SCFD2: variants seen among roughly 807,000 people sequenced by gnomAD.
SCFD2 encodes the protein sec1 family domain-containing protein 2.
A neutral mutation model predicts 58.9 loss-of-function variants in SCFD2; 54 were observed. That is an observed-to-expected ratio of 0.92 (90% CI 0.74 to 1.15). The LOEUF is 1.15. Ranked by LOEUF, SCFD2 falls within the 50% of genes most tolerant of loss-of-function variation. The probability of loss-of-function intolerance (pLI) is 0.00; values close to 1 mark genes in which losing one functional copy is unlikely to be tolerated. For synonymous variants in SCFD2, 321 were observed against 335.9 expected, an observed-to-expected ratio of 0.96 and a Z score of 0.49; for missense variants, 805 against 836.6, an observed-to-expected ratio of 0.96 and a Z score of 0.47.
chr4:53,290,436 A>C (rs1731802280), intron 3 of SCFD2, among the ~76,000 whole-genome samples: 1 of 152,198 alleles, frequency 6.6e-6, no homozygotes, highest in Non-Finnish European at 1.5e-5. Context: ...ACAACAATGG[A>C]AACAAAATGT....
At chr4:53,264,121 C>A (rs996674572) in intron 4 of SCFD2, among the ~76,000 whole-genome samples, 1 of 152,176 alleles carries the variant, frequency 6.6e-6, no homozygotes, top group African/African-American at 2.4e-5. Context: ...ATGTAGACTA[C>A]AGTCCTAAAG....
At chr4:52,929,875 T>C (rs1330304540) in intron 5 of SCFD2, among the ~76,000 whole-genome samples, 1 of 152,108 alleles carries the variant, frequency 6.6e-6, no homozygotes, top group Non-Finnish European at 1.5e-5. Context: ...CACAAACAAA[T>C]GGAAAAACAT....
At chr4:53,215,008 C>A (rs1050162262) in intron 4 of SCFD2, among the ~76,000 whole-genome samples, 9 of 152,082 alleles carry the variant, frequency 5.9e-5, no homozygotes, top group Non-Finnish European at 1.3e-4. Flanking sequence ...TTCCATTGGT[C>A]TATATCTCTG....
chr4:53,039,486 C>T (rs1722841272), intron 5 of SCFD2, among the ~76,000 whole-genome samples: 1 of 152,120 alleles, frequency 6.6e-6, no homozygotes, highest in African/African-American at 2.4e-5. Flanking sequence ...CTACAATATA[C>T]TTTAAAATTC....
At chr4:53,018,501 CTTCTGGTGAT>C (rs1354963177) in intron 5 of SCFD2, among the ~76,000 whole-genome samples, 1 of 152,154 alleles carries the variant, frequency 6.6e-6, no homozygotes, top group Admixed American at 6.5e-5. Context: ...GGCCAATTTC[CTTCTGGTGAT>C]TTCTCTCCAA....
chr4:52,936,730 T>A (rs1720147644), intron 5 of SCFD2, among the ~76,000 whole-genome samples: 1 of 152,152 alleles, frequency 6.6e-6, no homozygotes, highest in Admixed American at 6.5e-5. Flanking sequence ...TCCTCTCCAC[T>A]CCTCCACCTC....
At chr4:53,350,639 T>C (rs558064515) in intron 2 of SCFD2, among the ~76,000 whole-genome samples, 2 of 152,348 alleles carry the variant, frequency 1.3e-5, no homozygotes, top group Admixed American at 1.3e-4. Context: ...TTAAATCTAT[T>C]CAAGAGCCTA....
intron 5 of SCFD2, among the ~76,000 whole-genome samples, chr4:53,001,302 C>T (rs538293240): frequency 9.0e-4 from 137 of 152,182 alleles, no homozygotes; most frequent in Non-Finnish European, 1.5e-3. Flanking sequence ...GGAGAGCACA[C>T]AGCAGCACGG....
intron 5 of SCFD2, among the ~76,000 whole-genome samples, chr4:53,055,479 G>A (rs1460627426): frequency 1.3e-5 from 2 of 152,098 alleles, no homozygotes; most frequent in Non-Finnish European, 1.5e-5. Flanking sequence ...GGTTTGGAAA[G>A]TTGCCTAAAA....
In SCFD2 at chr4:53,085,673, G is replaced by A. The variant is rs532800024; in HGVS notation, c.1561+59660C>T. Among the ~76,000 whole-genome samples the A allele has an allele frequency of 3.9e-5, 6 of 152,176 alleles. No individual in the cohort carries two copies. The East Asian group carries it at 9.7e-4, about 24-fold the overall frequency. On this transcript the variant is annotated intron_variant, in intron 5 of 8. Coordinates refer to ENST00000401642, the MANE Select transcript of SCFD2 (RefSeq NM_152540.4). ...TAGTAACCAAAATAGCATGGCACTGGCATAAAAACAGACACATAGACCAAT... is the reference window on the plus strand; with the variant it reads ...TAGTAACCAAAATAGCATGGCACTGACATAAAAACAGACACATAGACCAAT...
chr4:53,164,911 C>T (rs573188456), intron 4 of SCFD2, among the ~76,000 whole-genome samples: 1 of 152,178 alleles, frequency 6.6e-6, no homozygotes, highest in East Asian at 1.9e-4. Flanking sequence ...AGATAAATTC[C>T]TCACCAGCTT....
At chr4:52,959,544 T>C (rs550927214) in intron 5 of SCFD2, among the ~76,000 whole-genome samples, 2 of 152,146 alleles carry the variant, frequency 1.3e-5, no homozygotes, top group South Asian at 2.1e-4. Flanking sequence ...TTAGAGACTC[T>C]TCAAGAATGC....
At chr4:53,249,698 C>A (rs536579673) in intron 4 of SCFD2, among the ~76,000 whole-genome samples, 8 of 152,120 alleles carry the variant, frequency 5.3e-5, no homozygotes, top group Admixed American at 5.2e-4. Context: ...TCATATCCAG[C>A]CAAACTAACC....
intron 5 of SCFD2, among the ~76,000 whole-genome samples, chr4:52,947,632 T>C (rs1720466963): frequency 6.6e-6 from 1 of 151,884 alleles, no homozygotes; most frequent in Non-Finnish European, 1.5e-5. Context: ...CATGCACATA[T>C]GGAAACTTGA....
intron 3 of SCFD2, among the ~76,000 whole-genome samples, chr4:53,276,315 T>C (rs1180126733): frequency 2.0e-5 from 3 of 152,108 alleles, no homozygotes; most frequent in African/African-American, 7.2e-5. Flanking sequence ...TTAGGTACGT[T>C]AAAAAGTGGA....
chr4:53,119,293 G>A (rs1462084036), intron 5 of SCFD2, among the ~76,000 whole-genome samples: 1 of 150,360 alleles, frequency 6.7e-6, no homozygotes, highest in Non-Finnish European at 1.5e-5. Context: ...ACTCCAGCTT[G>A]GGCAACAGAG....
At chr4:53,062,268 A>G (rs1577696710) in intron 5 of SCFD2, among the ~76,000 whole-genome samples, 1 of 151,998 alleles carries the variant, frequency 6.6e-6, no homozygotes, top group Admixed American at 6.6e-5. Context: ...GCTACTTGGG[A>G]AGCTGAAGCA....
intron 4 of SCFD2, among the ~76,000 whole-genome samples, chr4:53,198,088 T>C (rs557303690): frequency 6.6e-4 from 101 of 152,146 alleles, no homozygotes; most frequent in African/African-American, 2.2e-3. Flanking sequence ...ATAAAACATA[T>C]AGATATATAA....
At chr4:53,252,775 C>T (rs960203323) in intron 4 of SCFD2, among the ~76,000 whole-genome samples, 1 of 152,082 alleles carries the variant, frequency 6.6e-6, no homozygotes, top group African/African-American at 2.4e-5. Context: ...GACCTAAAAC[C>T]ATAAAAACCC....
Sources: gnomAD v4.1 joint callset for allele counts (sites outside exome capture counted in the v4.1 genomes callset) on GRCh38, gnomAD v4.1.1 for gene constraint, MANE v1.5 for transcripts, NCBI Gene and HGNC (gene_info 2026-07-23, HGNC 2026-07-21) for gene names.